ELSPBP1: variants seen among roughly 807,000 people sequenced by gnomAD.
The protein encoded by ELSPBP1 is epididymal sperm-binding protein 1.
A neutral mutation model predicts 33.3 loss-of-function variants in ELSPBP1; 38 were observed. The observed-to-expected ratio is 1.14, with a 90% confidence interval of 0.88 to 1.50. The LOEUF (loss-of-function observed/expected upper bound fraction) is 1.50. ELSPBP1 is among the 40% of genes most tolerant of loss of function. ELSPBP1 has a pLI of 0.00. For missense variants in ELSPBP1, 267 were observed against 263.5 expected (o/e 1.01, Z -0.09); for synonymous variants, 85 against 94.1 (o/e 0.90, Z 0.56).
Position 48,015,758 on chromosome 19 carries a change from T to C in ELSPBP1, c.209-135T>C, listed in dbSNP as rs1005532707. On this transcript the variant is annotated intron_variant, in intron 3 of 6. Transcript: ENST00000339841. ...GATGTATATGGCATAGGCAAATGCT[T>C]GATGAAATAATGCATAAAGTCTCTT... 41 of 772,190 alleles carry C rather than the reference T, an allele frequency of 5.3e-5. No homozygotes were observed. The Middle Eastern group carries it at 1.2e-3, about 22-fold the overall frequency. The allele number at this position is 772,190 out of a possible 1,614,324, so 47.8% of individuals were successfully genotyped here. A position where few individuals can be genotyped will look rare whatever the true frequency, so the allele number is the denominator to read the frequency against.
At chr19:48,022,104 C>T (rs920988180) in intron 5 of ELSPBP1, 66 bp from the exon 6 acceptor site, 25 of 1,471,664 alleles carry the variant, frequency 1.7e-5, no homozygotes, top group Non-Finnish European at 2.2e-5. Flanking sequence ...GGGCCTGAAG[C>T]CCACGCCTCT....
chr19:48,015,814 G>T, intron 3 of ELSPBP1, 79 bp from the exon 4 acceptor site: 1 of 1,372,076 alleles, frequency 7.3e-7, no homozygotes. Context: ...GTCCTATGAT[G>T]GTTGATTGAT....
chr19:48,016,458 TTCTTTCC>T (rs1260349876), intron 4 of ELSPBP1, among the ~76,000 whole-genome samples: 2 of 15,326 alleles, frequency 1.3e-4, no homozygotes, highest in South Asian at 2.8e-3. Flanking sequence ...TCTCTTTCTT[TTCTTTCC>T]TTCTTTCTTT....
chr19:48,018,534 T>A (rs956471739), intron 4 of ELSPBP1, among the ~76,000 whole-genome samples: 7 of 152,196 alleles, frequency 4.6e-5, no homozygotes, highest in Non-Finnish European at 8.8e-5. Context: ...TTAATAAGCA[T>A]TTTCTATGTG....
At chr19:48,019,917 C>CT (rs1217775161) in intron 5 of ELSPBP1, 40 bp downstream of exon 5, 4 of 1,588,064 alleles carry the variant, frequency 2.5e-6, no homozygotes, top group Non-Finnish European at 3.4e-6. Context: ...TGGGTGGAGT[C>CT]TTTCTTTCAT....
At chr19:48,001,503 T>C (rs1350990088) in intron 1 of ELSPBP1, among the ~76,000 whole-genome samples, 1 of 152,052 alleles carries the variant, frequency 6.6e-6, no homozygotes, top group Admixed American at 6.6e-5. Context: ...ATCTGGGGAA[T>C]CCCGGATCAT....
chr19:48,014,773 A>G (rs1967114468), intron 3 of ELSPBP1, among the ~76,000 whole-genome samples: 1 of 152,028 alleles, frequency 6.6e-6, no homozygotes, highest in African/African-American at 2.4e-5. Context: ...AGAAAAAGAA[A>G]AGGCTCTGGG....
chr19:48,013,984 C>T (rs1018663673), intron 2 of ELSPBP1, among the ~76,000 whole-genome samples, 187 bp from the exon 3 acceptor site: 3 of 152,118 alleles, frequency 2.0e-5, no homozygotes, highest in East Asian at 3.9e-4. Context: ...GCCCTTACGA[C>T]CTAATCACCT....
chr19:48,018,568 A>C (rs143855460), intron 4 of ELSPBP1, among the ~76,000 whole-genome samples: 1 of 152,232 alleles, frequency 6.6e-6, no homozygotes, highest in Non-Finnish European at 1.5e-5. Context: ...TAAGTGCTTC[A>C]CATGAAATAA....
Position 48,002,879 on chromosome 19 carries a change from C to T in ELSPBP1, c.-17-5772C>T, listed in dbSNP as rs559231336. 3.9e-5 allele frequency among the ~76,000 whole-genome samples: 6 copies of T among 152,296 alleles called. No homozygotes were observed. The South Asian group carries it at 1.0e-3, about 26-fold the overall frequency. ...TTGTATGCCCCCTCTGACATTTACA[C>T]AGTGCTTTCCAGCATCTGCTGCATG... On this transcript the variant is annotated intron_variant, in intron 1 of 6. Coordinates refer to ENST00000339841, the MANE Select transcript of ELSPBP1 (RefSeq NM_022142.5).
chr19:47,994,938 A>G, intron 1 of ELSPBP1, 127 bp downstream of exon 1: 1 of 152,244 alleles, frequency 6.6e-6, no homozygotes, highest in South Asian at 2.1e-4. Flanking sequence ...AAATCATTGT[A>G]AGTTTTATAG....
At chr19:48,014,009 G>A (rs1456644940) in intron 2 of ELSPBP1, among the ~76,000 whole-genome samples, 162 bp from the exon 3 acceptor site, 2 of 152,082 alleles carry the variant, frequency 1.3e-5, no homozygotes, top group Admixed American at 1.3e-4. Flanking sequence ...AAGGCCCCTC[G>A]TACCATGACC....
intron 5 of ELSPBP1, 122 bp downstream of exon 5, chr19:48,019,999 G>A: frequency 1.0e-6 from 1 of 991,450 alleles, no homozygotes; most frequent in Non-Finnish European, 1.5e-6. Context: ...ATCTGGTGAT[G>A]AATCCGGCAG....
rs1015737873 is a variant in ELSPBP1 at position 48,011,516 on chromosome 19, G to T, written c.71-2655G>T. Among the ~76,000 whole-genome samples, 18 of 150,048 alleles carry T rather than the reference G, an allele frequency of 1.2e-4. No individual in the cohort carries two copies. In the South Asian group the frequency reaches 3.1e-3, roughly 26 times the overall value. ...AATGACTGATAATGATGATGACAAT[G>T]ATGATGACAATGACTGATAATGATG... On this transcript the variant is annotated intron_variant, in intron 2 of 6. Transcript: ENST00000339841. The surrounding 1 kb of genome is among the most constrained non-coding windows in gnomAD (Gnocchi z 4.5).
Position 48,019,993 on chromosome 19 carries a change from G to C in ELSPBP1, c.514+116G>C, listed in dbSNP as rs1193286794. ...GCACTGAGTTGGGCACTGAGGATCT[G>C]GTGATGAATCCGGCAGACAGAGTTC... On this transcript the variant is annotated intron_variant, in intron 5 of 6. Coordinates refer to ENST00000339841, the MANE Select transcript of ELSPBP1 (RefSeq NM_022142.5). The C allele has an allele frequency of 2.8e-6, 3 of 1,081,834 alleles. No individual in the cohort carries two copies. In the East Asian group the frequency reaches 7.5e-5, roughly 27 times the overall value. 67.0% of individuals were successfully genotyped at this position (1,081,834 alleles called of 1,614,324 possible). A position where few individuals can be genotyped will look rare whatever the true frequency, so the allele number is the denominator to read the frequency against.
chr19:48,024,659 T>C (rs1286147745), intron 6 of ELSPBP1, among the ~76,000 whole-genome samples: 1 of 152,200 alleles, frequency 6.6e-6, no homozygotes, highest in Non-Finnish European at 1.5e-5. Context: ...AGTCTGTGGC[T>C]AGGACTAGGA....
chr19:48,003,053 C>A (rs1219129220), intron 1 of ELSPBP1, among the ~76,000 whole-genome samples: 1 of 152,144 alleles, frequency 6.6e-6, no homozygotes, highest in Non-Finnish European at 1.5e-5. Flanking sequence ...CTGGTCCCAA[C>A]CACCCCGGGG....
chr19:48,015,162 TAAA>T (rs1967118690), intron 3 of ELSPBP1, among the ~76,000 whole-genome samples: 1 of 152,094 alleles, frequency 6.6e-6, no homozygotes, highest in Non-Finnish European at 1.5e-5. Flanking sequence ...AAGAAAATGG[TAAA>T]AAGGAGGAAA....
rs1051969767 is a variant in ELSPBP1 at position 48,011,473 on chromosome 19, G to A, written c.71-2698G>A. On this transcript the variant is annotated intron_variant, in intron 2 of 6. Transcript: ENST00000339841. The surrounding 1 kb of genome is among the most constrained non-coding windows in gnomAD (Gnocchi z 4.5). Reference sequence around the variant, plus strand: ...TGATGATGATGACAATGACAATAATGAGGTTGATGATAATGACAATGACTG... The same window carrying A: ...TGATGATGATGACAATGACAATAATAAGGTTGATGATAATGACAATGACTG... Among the ~76,000 whole-genome samples, 8 of 151,108 alleles carry A rather than the reference G, an allele frequency of 5.3e-5. No individual in the cohort carries two copies. Among genetic ancestry groups the A allele is most frequent in the Non-Finnish European group, 7.4e-5 (5 of 67,822 alleles).
Sources: allele counts gnomAD v4.1 joint callset (sites outside exome capture counted in the v4.1 genomes callset), GRCh38; gene constraint gnomAD v4.1.1; non-coding constraint Gnocchi (gnomAD v3.1); transcripts MANE v1.5; gene names NCBI Gene and HGNC (gene_info 2026-07-23, HGNC 2026-07-21).